MYO3B: variants seen among roughly 807,000 people sequenced by gnomAD.
The protein encoded by MYO3B is myosin-IIIb.
In MYO3B, 156 loss-of-function variants were observed where a neutral mutation model predicts 174.6. The ratio of observed to expected loss-of-function variants is 0.89; its 90% CI spans 0.78 to 1.02. The LOEUF (loss-of-function observed/expected upper bound fraction) is 1.02, where lower values mean the gene tolerates loss of function less well. Among genes scored for constraint, MYO3B ranks in the 50% least tolerant of loss-of-function variants. MYO3B has a pLI of 0.00. For synonymous variants in MYO3B, 563 were observed against 569.1 expected (o/e 0.99, Z 0.15); for missense variants, 1,632 against 1,639.4 (o/e 1.00, Z 0.08).
chr2:170,602,278 G>A lies in MYO3B; in HGVS notation c.3734-49350G>A, dbSNP rs530688026. 2.0e-4 allele frequency: 150 copies of A among 756,972 alleles called. 2 individuals carry two copies. The highest frequency in any genetic ancestry group is 1.9e-3 in the South Asian group (128 of 67,764). 46.9% of individuals were successfully genotyped at this position (756,972 alleles called of 1,614,324 possible). ...GCACACAGTCACCCAGTGCCCGTCCGGCTCTCACTTGCCCCGGCACTGTCT... is the reference window on the plus strand; with the variant it reads ...GCACACAGTCACCCAGTGCCCGTCCAGCTCTCACTTGCCCCGGCACTGTCT... On this transcript the variant is annotated intron_variant, in intron 32 of 34. Coordinates refer to ENST00000408978, the MANE Select transcript of MYO3B (RefSeq NM_138995.5).
chr2:170,193,626 AT>A (rs201694979), intron 1 of MYO3B, among the ~76,000 whole-genome samples: 6,868 of 152,186 alleles, frequency 0.045, 228 homozygotes, highest in Non-Finnish European at 0.067. Flanking sequence ...ATGTGTGTTC[AT>A]ATGAGTAAGT....
At chr2:170,351,376 A>G (rs1373936930) in intron 8 of MYO3B, among the ~76,000 whole-genome samples, 1 of 152,154 alleles carries the variant, frequency 6.6e-6, no homozygotes, top group East Asian at 1.9e-4. Context: ...TTTCTTCCAC[A>G]TATTCTCCAT....
intron 22 of MYO3B, among the ~76,000 whole-genome samples, chr2:170,440,728 G>A (rs564541755): frequency 7.3e-5 from 11 of 150,844 alleles, no homozygotes; most frequent in Admixed American, 3.3e-4. Context: ...ACTTCAGCCA[G>A]GGCAACAGAG....
chr2:170,291,333 T>G (rs2093594675), intron 7 of MYO3B, among the ~76,000 whole-genome samples: 1 of 152,106 alleles, frequency 6.6e-6, no homozygotes, highest in African/African-American at 2.4e-5. Flanking sequence ...CCCCAAATTT[T>G]GACTTTTAGT....
At chr2:170,300,753 A>C (rs2093660293) in intron 7 of MYO3B, among the ~76,000 whole-genome samples, 1 of 152,232 alleles carries the variant, frequency 6.6e-6, no homozygotes, top group East Asian at 1.9e-4. Flanking sequence ...TGCTCATGAA[A>C]CAGACATCAG....
At chr2:170,473,139 CTTTTTT>C (rs66837903) in intron 25 of MYO3B, among the ~76,000 whole-genome samples, 128 of 96,454 alleles carry the variant, frequency 1.3e-3, no homozygotes, top group Non-Finnish European at 2.4e-3. Context: ...TTTTTCTTTT[CTTTTTT>C]TTTTTTTTTT....
At chr2:170,500,185 T>A (rs1407399941) in intron 27 of MYO3B, among the ~76,000 whole-genome samples, 2 of 152,164 alleles carry the variant, frequency 1.3e-5, no homozygotes, top group African/African-American at 4.8e-5. Flanking sequence ...TTTATTAACA[T>A]GCAAGTCATA....
chr2:170,183,429 G>A lies in MYO3B; in HGVS notation c.2+5140G>A, dbSNP rs113427497. Among the ~76,000 whole-genome samples, 1,231 of 152,074 alleles carry A rather than the reference G, an allele frequency of 8.1e-3. 14 individuals carry two copies. Among genetic ancestry groups the A allele is most frequent in the African/African-American group, 0.028 (1,177 of 41,490 alleles). ...ATACATTCTGCTCTGTTCTCGTTAGGTTTAGCTTTGGGCATTTTACTCTCT... is the reference window on the plus strand; with the variant it reads ...ATACATTCTGCTCTGTTCTCGTTAGATTTAGCTTTGGGCATTTTACTCTCT... On this transcript the variant is annotated intron_variant, in intron 1 of 34. Transcript: ENST00000408978.
chr2:170,237,961 T>C (rs2093090248), intron 7 of MYO3B, among the ~76,000 whole-genome samples: 1 of 152,228 alleles, frequency 6.6e-6, no homozygotes, highest in African/African-American at 2.4e-5. Context: ...TGTCACAACC[T>C]TAATGGCTGA....
chr2:170,387,171 C>T lies in MYO3B; in HGVS notation c.1440C>T (p.Asn480=), dbSNP rs371776806. 2 of 1,614,002 alleles carry T rather than the reference C, an allele frequency of 1.2e-6. No individual in the cohort carries two copies. Among genetic ancestry groups the T allele is most frequent in the African/African-American group, 1.3e-5 (1 of 74,932 alleles). Residue 480 remains asparagine, a synonymous_variant, in exon 14 of 35, where the codon AAC becomes AAT. Coordinates refer to ENST00000408978, the MANE Select transcript of MYO3B (RefSeq NM_138995.5). Reference sequence around the variant, plus strand: ...ACTCCCTGGTGGAAGCCTTTGGGAACTCATGCACTGCCATCAATGACAACT... The same window carrying T: ...ACTCCCTGGTGGAAGCCTTTGGGAATTCATGCACTGCCATCAATGACAACT... The part of the protein sequence containing the change: ...QVNSLVEAFG[N]SCTAINDNSS...
intron 7 of MYO3B, among the ~76,000 whole-genome samples, chr2:170,257,550 A>G (rs983035741): frequency 6.6e-6 from 1 of 152,166 alleles, no homozygotes; most frequent in Non-Finnish European, 1.5e-5. Flanking sequence ...GGTAACAGAG[A>G]TGCAACATAC....
At chr2:170,297,582 T>C (rs1263943115) in intron 7 of MYO3B, among the ~76,000 whole-genome samples, 2 of 152,178 alleles carry the variant, frequency 1.3e-5, no homozygotes, top group South Asian at 2.1e-4. Context: ...AGATGAGCCA[T>C]TGAGCTGCAT....
rs552982845 is a variant in MYO3B at position 170,192,104 on chromosome 2, T to C, written c.3-7104T>C. On this transcript the variant is annotated intron_variant, in intron 1 of 34. Transcript: ENST00000408978. ...CATGACCTGGAAACCATAAATAGCA[T>C]TGGAATTATCTTTTTCTTTCTTCAT... Among the ~76,000 whole-genome samples, 5 of 152,224 alleles carry C rather than the reference T, an allele frequency of 3.3e-5. No homozygotes were observed. The South Asian group carries it at 1.0e-3, about 32-fold the overall frequency.
At chr2:170,475,542 AC>A (rs1685261231) in intron 25 of MYO3B, among the ~76,000 whole-genome samples, 1 of 152,194 alleles carries the variant, frequency 6.6e-6, no homozygotes, top group African/African-American at 2.4e-5. Context: ...GGTGTGAGCC[AC>A]CACGTCCAGC....
At chr2:170,387,617 C>T (rs1294275902) in intron 14 of MYO3B, among the ~76,000 whole-genome samples, 2 of 152,066 alleles carry the variant, frequency 1.3e-5, no homozygotes, top group Non-Finnish European at 2.9e-5. Context: ...TAAAATTGAA[C>T]TTGTTGGTTA....
chr2:170,493,093 A>G (rs1686595706), intron 25 of MYO3B, among the ~76,000 whole-genome samples: 1 of 152,224 alleles, frequency 6.6e-6, no homozygotes, highest in African/African-American at 2.4e-5. Flanking sequence ...CGTTGTTTTG[A>G]TGAGGGATGT....
intron 32 of MYO3B, among the ~76,000 whole-genome samples, chr2:170,589,218 AG>A (rs1464502298): frequency 6.6e-6 from 1 of 152,214 alleles, no homozygotes; most frequent in Non-Finnish European, 1.5e-5. Flanking sequence ...CAACACTGAA[AG>A]GTTTTCGATA....
chr2:170,202,689 A>C (rs1396835172), intron 3 of MYO3B, among the ~76,000 whole-genome samples: 1 of 152,186 alleles, frequency 6.6e-6, no homozygotes, highest in African/African-American at 2.4e-5. Flanking sequence ...CTTCCTGACC[A>C]CACACACAGA....
chr2:170,534,531 A>G (rs1412947331), intron 30 of MYO3B, among the ~76,000 whole-genome samples: 2 of 152,122 alleles, frequency 1.3e-5, no homozygotes, highest in Non-Finnish European at 2.9e-5. Context: ...CTGTAACCTC[A>G]GCCTTCTGGG....
Sources: gnomAD v4.1 joint callset for allele counts (sites outside exome capture counted in the v4.1 genomes callset) on GRCh38, gnomAD v4.1.1 for gene constraint, MANE v1.5 for transcripts, NCBI Gene and HGNC (gene_info 2026-07-23, HGNC 2026-07-21) for gene names.